The following NUP214 variants were observed in gnomAD, a reference collection of about 807,000 sequenced individuals.
NUP214 encodes the protein nucleoporin 214, also known as nuclear pore complex protein Nup214.
A neutral mutation model predicts 196.2 loss-of-function variants in NUP214; 79 were observed. The ratio of observed to expected loss-of-function variants is 0.40; its 90% CI spans 0.34 to 0.49. The LOEUF (loss-of-function observed/expected upper bound fraction) is 0.49, where lower values mean the gene tolerates loss of function less well. Among genes scored for constraint, NUP214 ranks in the 20% least tolerant of loss-of-function variants. The probability of loss-of-function intolerance (pLI) is 0.58; values close to 1 mark genes in which losing one functional copy is unlikely to be tolerated. For missense variants in NUP214, 2,468 were observed against 2,539.0 expected (o/e 0.97, Z 0.60); for synonymous variants, 1,020 against 990.5 (o/e 1.03, Z -0.56).
At chr9:131,134,862 A>C in intron 7 of NUP214, 36 bp from the exon 8 acceptor site, 1 of 1,385,364 alleles carries the variant, frequency 7.2e-7, no homozygotes, top group Non-Finnish European at 1.0e-6. Flanking sequence ...GAAAAATTGC[A>C]CATGAGAATT....
Position 131,163,048 on chromosome 9 carries a change from AATC to A in NUP214, c.2603_2605del (p.Ile868del). 6.2e-7 allele frequency: 1 copy of A among 1,614,232 alleles called. No homozygotes were observed. Among genetic ancestry groups the A allele is most frequent in the Non-Finnish European group, 8.5e-7 (1 of 1,180,038 alleles). ...TTAACACCCTAGCCAACAATCGGGAAATCATCAACCAACAGAGGAAGAGGCTGA... is the reference window on the plus strand; with the variant it reads ...TTAACACCCTAGCCAACAATCGGGAAATCAACCAACAGAGGAAGAGGCTGA... On this transcript the variant is annotated inframe_deletion, in exon 19 of 36. Coordinates refer to ENST00000359428, the MANE Select transcript of NUP214 (RefSeq NM_005085.4).
rs531685346 is a variant in NUP214 at position 131,172,189 on chromosome 9, A to G, written c.2894-1866A>G. ...CCACCAACAGTGTAAAAGTGTTCCT[A>G]TTTCTCCACATCCTCTCCAGCACCT... is the stretch of plus-strand genomic sequence containing the variant. On this transcript the variant is annotated intron_variant, in intron 21 of 35. Transcript: ENST00000359428. 1.3e-4 allele frequency among the ~76,000 whole-genome samples: 19 copies of G among 151,088 alleles called. No homozygotes were observed. The East Asian group carries it at 2.7e-3, about 22-fold the overall frequency.
Position 131,140,461 on chromosome 9 carries a change from C to T in NUP214, c.1133-88C>T, listed in dbSNP as rs577231730. 4.6e-5 allele frequency: 52 copies of T among 1,140,846 alleles called. No homozygotes were observed. The African/African-American group carries it at 7.4e-4, about 16-fold the overall frequency. The allele number at this position is 1,140,846 out of a possible 1,614,324, so 70.7% of individuals were successfully genotyped here. A position where few individuals can be genotyped will look rare whatever the true frequency, so the allele number is the denominator to read the frequency against. On this transcript the variant is annotated intron_variant, in intron 10 of 35. Coordinates refer to ENST00000359428, the MANE Select transcript of NUP214 (RefSeq NM_005085.4). ...TGCTATTCAGATGAGTCCCTTAAAC[C>T]CTCTTCATGTTGAGGGCAGTCTTTG... is the stretch of plus-strand genomic sequence containing the variant.
intron 10 of NUP214, 113 bp downstream of exon 10, chr9:131,139,520 T>C: frequency 6.9e-7 from 1 of 1,457,634 alleles, no homozygotes; most frequent in South Asian, 1.3e-5. Context: ...CACTTGTAGC[T>C]TCTGGCAGCA....
At chr9:131,206,431 C>A (rs1395386836) in intron 30 of NUP214, among the ~76,000 whole-genome samples, 1 of 151,614 alleles carries the variant, frequency 6.6e-6, no homozygotes, top group Non-Finnish European at 1.5e-5. Context: ...GAGACATGAG[C>A]CACTGTGCCC....
In NUP214 at chr9:131,125,818, C is replaced by T; in HGVS notation, c.45+69C>T. ...GTTGCCTTGGAGCCCAGCTGAAAGG[C>T]GAAGCGCGGTGCTGGCTGTCCCGCC... On this transcript the variant is annotated intron_variant, in intron 1 of 35. Transcript: ENST00000359428. This position sits in a 1 kb window ranked among gnomAD's most constrained non-coding sequence, Gnocchi z 4.1. The T allele has an allele frequency of 6.6e-7, 1 of 1,520,664 alleles. No homozygotes were observed. The highest frequency in any genetic ancestry group is 8.9e-7 in the Non-Finnish European group (1 of 1,121,032). 94.2% of individuals were successfully genotyped at this position (1,520,664 alleles called of 1,614,324 possible). A position where few individuals can be genotyped will look rare whatever the true frequency, so the allele number is the denominator to read the frequency against.
intron 4 of NUP214, among the ~76,000 whole-genome samples, chr9:131,130,052 G>A (rs1425496163): frequency 6.6e-6 from 1 of 151,896 alleles, no homozygotes; most frequent in African/African-American, 2.4e-5. Flanking sequence ...GATCTGTAAC[G>A]GTGGTACTCT....
intron 14 of NUP214, among the ~76,000 whole-genome samples, chr9:131,148,190 T>TTGC (rs1554730193): frequency 2.0e-5 from 3 of 151,864 alleles, no homozygotes; most frequent in East Asian, 3.9e-4. Flanking sequence ...GAGTAGCTGA[T>TTGC]TTGATTTCCA....
chr9:131,184,026 C>CTTTTTTTTTTTTTTTTT (rs776765956), intron 24 of NUP214, among the ~76,000 whole-genome samples: 8 of 104,362 alleles, frequency 7.7e-5, no homozygotes, highest in Non-Finnish European at 9.7e-5. Flanking sequence ...TTTTCTTTTT[C>CTTTTTTTTTTTTTTTTT]TTTTTTTTTT....
rs1834953903 is a variant in NUP214 at position 131,234,165 on chromosome 9, T to C, written c.*678T>C. ...CTCTCATCTCCATGTGGCTCTTGGG[T>C]GCCATGTGTCCTACTCCAGAGAGGA... On this transcript the variant is annotated 3_prime_UTR_variant, in exon 36 of 36. Transcript: ENST00000359428. The C allele has an allele frequency of 4.3e-6, 1 of 233,658 alleles. No individual in the cohort carries two copies. The highest frequency in any genetic ancestry group is 8.4e-6 in the Non-Finnish European group (1 of 118,394). 14.5% of individuals were successfully genotyped at this position (233,658 alleles called of 1,614,324 possible).
chr9:131,139,209 G>A (rs894386898), intron 9 of NUP214, 72 bp from the exon 10 acceptor site: 2 of 1,386,050 alleles, frequency 1.4e-6, no homozygotes, highest in African/African-American at 1.5e-5. Flanking sequence ...AGGAACCAAT[G>A]CAAAGCTCTA....
chr9:131,129,517 G>C, intron 4 of NUP214, 40 bp downstream of exon 4: 1 of 1,570,522 alleles, frequency 6.4e-7, no homozygotes, highest in Non-Finnish European at 8.8e-7. Flanking sequence ...ATACAATCAT[G>C]GTCATCTACT....
At chr9:131,187,079 C>T (rs1833469033) in intron 24 of NUP214, 3 of 542,830 alleles carry the variant, frequency 5.5e-6, no homozygotes, top group South Asian at 2.3e-5. Flanking sequence ...GTTATAAGGC[C>T]ACTGCTTTGA....
chr9:131,126,229 G>T, intron 1 of NUP214: 1 of 164,958 alleles, frequency 6.1e-6, no homozygotes, highest in South Asian at 1.2e-4. Flanking sequence ...AGTCAGGGAA[G>T]GTCATCCATC....
chr9:131,128,305 C>A (rs1431688882), intron 2 of NUP214, 27 bp from the exon 3 acceptor site: 18 of 1,598,312 alleles, frequency 1.1e-5, no homozygotes, highest in Admixed American at 1.7e-5. Flanking sequence ...ATACCGTTTT[C>A]TGCTTTGTAT....
At chr9:131,229,677 G>A (rs1834819432) in intron 33 of NUP214, 3 of 515,436 alleles carry the variant, frequency 5.8e-6, no homozygotes, top group South Asian at 4.2e-5. Flanking sequence ...CTGGCCATGA[G>A]CCTGTCTCCG....
chr9:131,150,490 T>C (rs1425707804), intron 15 of NUP214, 80 bp downstream of exon 15: 1 of 1,567,408 alleles, frequency 6.4e-7, no homozygotes, highest in Non-Finnish European at 8.8e-7. Context: ...CCTGTATGAC[T>C]AGTTAGTTCA....
chr9:131,193,337 A>T (rs534686735), intron 27 of NUP214, among the ~76,000 whole-genome samples: 7 of 152,108 alleles, frequency 4.6e-5, no homozygotes, highest in Non-Finnish European at 1.0e-4. Flanking sequence ...AAGCCTCTTA[A>T]GTTCTTCAGT....
chr9:131,159,229 A>G lies in NUP214; in HGVS notation c.2437-154A>G, dbSNP rs570115766. The G allele has an allele frequency of 1.6e-5, 10 of 626,738 alleles. No homozygotes were observed. The East Asian group carries it at 2.8e-4, about 17-fold the overall frequency. The allele number at this position is 626,738 out of a possible 1,614,324, so 38.8% of individuals were successfully genotyped here. ...ACACCCGGCCTCATTTTAATTATAT[A>G]GTTTTAAAAATCGTATTAAAACCTA... On this transcript the variant is annotated intron_variant, in intron 17 of 35. Transcript: ENST00000359428.
Sources: gnomAD v4.1 joint callset for allele counts (sites outside exome capture counted in the v4.1 genomes callset) on GRCh38, gnomAD v4.1.1 for gene constraint, Gnocchi (gnomAD v3.1) non-coding constraint, MANE v1.5 for transcripts, NCBI Gene and HGNC (gene_info 2026-07-23, HGNC 2026-07-21) for gene names.